Variants in ITPKB observed in about 807,000 individuals in gnomAD.
The protein encoded by ITPKB is inositol-trisphosphate 3-kinase B, also known as IP3 3-kinase B.
In ITPKB, 13 loss-of-function variants were observed where a neutral mutation model predicts 69.4. The ratio of observed to expected loss-of-function variants is 0.19; its 90% CI spans 0.12 to 0.30. ITPKB has a LOEUF of 0.30. Among genes scored for constraint, ITPKB ranks in the 10% least tolerant of loss-of-function variants. The probability of loss-of-function intolerance (pLI) is 1.00; values close to 1 mark genes in which losing one functional copy is unlikely to be tolerated. For synonymous variants in ITPKB, 584 were observed against 513.7 expected (o/e 1.14, Z -1.85); for missense variants, 1,240 against 1,250.5 (o/e 0.99, Z 0.13).
At chr1:226,664,250 G>A (rs1055677546) in intron 2 of ITPKB, among the ~76,000 whole-genome samples, 1 of 152,212 alleles carries the variant, frequency 6.6e-6, no homozygotes, top group Non-Finnish European at 1.5e-5. Flanking sequence ...ATGACTTCTG[G>A]GAGTCCTTCC....
intron 2 of ITPKB, among the ~76,000 whole-genome samples, chr1:226,720,985 T>G (rs1365058195): frequency 6.7e-6 from 1 of 149,954 alleles, no homozygotes; most frequent in Non-Finnish European, 1.5e-5. Context: ...GAGGTTGCAA[T>G]GAGCTGAGAT....
chr1:226,713,143 T>G (rs781541847), intron 2 of ITPKB, among the ~76,000 whole-genome samples: 12 of 152,178 alleles, frequency 7.9e-5, no homozygotes, highest in Non-Finnish European at 1.2e-4. Flanking sequence ...CATGCTCCGC[T>G]AAGACACCAG....
chr1:226,737,594 CCTGGGCAGCGGG>C lies in ITPKB; in HGVS notation c.-148_-137del. On this transcript the variant is annotated 5_prime_UTR_variant, in exon 2 of 8. Transcript: ENST00000429204. ...TCCGCGCGCAGATGGGGCGGCATGG[CCTGGGCAGCGGG>C]CTGGGGGCACGACCGCGGGCTCAGC... 1 of 1,175,724 alleles carries C rather than the reference CCTGGGCAGCGGG, an allele frequency of 8.5e-7. No individual in the cohort carries two copies. Among genetic ancestry groups the C allele is most frequent in the Middle Eastern group, 3.4e-4 (1 of 2,916 alleles). 72.8% of individuals were successfully genotyped at this position (1,175,724 alleles called of 1,614,324 possible). A position where few individuals can be genotyped will look rare whatever the true frequency, so the allele number is the denominator to read the frequency against.
intron 2 of ITPKB, among the ~76,000 whole-genome samples, chr1:226,679,212 T>G (rs1656007902): frequency 6.6e-6 from 1 of 152,250 alleles, no homozygotes; most frequent in African/African-American, 2.4e-5. Flanking sequence ...AAAAAGGAAT[T>G]AAAATGTACC....
At chr1:226,653,393 CGGT>C in intron 2 of ITPKB, among the ~76,000 whole-genome samples, 1 of 152,308 alleles carries the variant, frequency 6.6e-6, no homozygotes, top group South Asian at 2.1e-4. Context: ...TCCTCCAGGG[CGGT>C]TCCCCTGGAC....
At chr1:226,730,305 C>T (rs186789986) in intron 2 of ITPKB, among the ~76,000 whole-genome samples, 2 of 152,294 alleles carry the variant, frequency 1.3e-5, no homozygotes, top group African/African-American at 2.4e-5. Flanking sequence ...GAAGGGCAAC[C>T]ATCTTAGAAC....
At chr1:226,676,584 G>A (rs188822506) in intron 2 of ITPKB, among the ~76,000 whole-genome samples, 4 of 152,338 alleles carry the variant, frequency 2.6e-5, no homozygotes, top group East Asian at 1.9e-4. Context: ...GGTTATTATG[G>A]CAACCAAGTG....
At chr1:226,686,273 C>T (rs1656214636) in intron 2 of ITPKB, among the ~76,000 whole-genome samples, 1 of 152,212 alleles carries the variant, frequency 6.6e-6, no homozygotes, top group African/African-American at 2.4e-5. Flanking sequence ...AGAATGTCTC[C>T]AACTCCCTAG....
At chr1:226,735,461 GCA>G in intron 2 of ITPKB, 64 bp downstream of exon 2, 1 of 1,443,290 alleles carries the variant, frequency 6.9e-7, no homozygotes. Flanking sequence ...AAAAAGGGAT[GCA>G]TAGGGCATCA....
intron 6 of ITPKB, among the ~76,000 whole-genome samples, chr1:226,639,054 C>T (rs1379329150): frequency 8.1e-6 from 1 of 123,802 alleles, no homozygotes. Context: ...GTGCCCTTGA[C>T]TTTTTTTTTT....
chr1:226,713,959 T>A (rs756712602), intron 2 of ITPKB, among the ~76,000 whole-genome samples: 7 of 152,196 alleles, frequency 4.6e-5, no homozygotes, highest in Non-Finnish European at 7.3e-5. Flanking sequence ...CTTACTCAGA[T>A]AATTGATATT....
At chr1:226,699,071 C>T (rs185684572) in intron 2 of ITPKB, among the ~76,000 whole-genome samples, 40 of 152,346 alleles carry the variant, frequency 2.6e-4, no homozygotes, top group African/African-American at 9.4e-4. Context: ...CTCACCCCCA[C>T]TACCTCTCAT....
chr1:226,696,339 G>GTA (rs1490804150), intron 2 of ITPKB, among the ~76,000 whole-genome samples: 3 of 151,754 alleles, frequency 2.0e-5, no homozygotes, highest in Non-Finnish European at 2.9e-5. Context: ...GTGTGTGTGT[G>GTA]TATATGTATC....
At chr1:226,717,743 C>T (rs1414997842) in intron 2 of ITPKB, among the ~76,000 whole-genome samples, 1 of 152,094 alleles carries the variant, frequency 6.6e-6, no homozygotes, top group African/African-American at 2.4e-5. Context: ...CACCACAGCT[C>T]CCACCGGGCT....
rs931690485 is a variant in ITPKB, at chr1:226,641,236, T to G, written c.2451+685A>C. ...GTAAATCAACATTTGAACATAATCA[T>G]GTATAGGAAGCTTCTGTGTGCCCAT... is the stretch of plus-strand genomic sequence containing the variant. On this transcript the variant is annotated intron_variant, in intron 5 of 7. Transcript: ENST00000429204. The surrounding 1 kb of genome is among the most constrained non-coding windows in gnomAD (Gnocchi z 4.6). Among the ~76,000 whole-genome samples the G allele has an allele frequency of 6.6e-6, 1 of 152,208 alleles. No homozygotes were observed. Among genetic ancestry groups the G allele is most frequent in the African/African-American group, 2.4e-5 (1 of 41,458 alleles).
chr1:226,691,024 A>G (rs762322564), intron 2 of ITPKB, among the ~76,000 whole-genome samples: 62 of 152,182 alleles, frequency 4.1e-4, no homozygotes, highest in Non-Finnish European at 7.5e-4. Context: ...GCAAATTCAC[A>G]AAGACAGAAA....
At position 226,737,587 on chromosome 1, in the gene ITPKB, G is replaced by C. The variant is rs956544320; in HGVS notation, c.-129C>G. On this transcript the variant is annotated 5_prime_UTR_variant, in exon 2 of 8. Coordinates refer to ENST00000429204, the MANE Select transcript of ITPKB (RefSeq NM_002221.4). ...CCGCGGCTCCGCGCGCAGATGGGGC[G>C]GCATGGCCTGGGCAGCGGGCTGGGG... 4 of 1,190,276 alleles carry C rather than the reference G, an allele frequency of 3.4e-6. No individual in the cohort carries two copies. In the African/African-American group the frequency reaches 4.8e-5, roughly 14 times the overall value. 73.7% of individuals were successfully genotyped at this position (1,190,276 alleles called of 1,614,324 possible).
chr1:226,701,603 CAAAAAAAAAAAAAAA>C (rs58756019), intron 2 of ITPKB, among the ~76,000 whole-genome samples: 12 of 44,870 alleles, frequency 2.7e-4, no homozygotes, highest in African/African-American at 8.2e-4. Flanking sequence ...GACTCCGTCT[CAAAAAAAAAAAAAAA>C]AAAAAAAAAA....
chr1:226,689,608 TGTGTGC>T (rs139441159), intron 2 of ITPKB, among the ~76,000 whole-genome samples: 4 of 149,532 alleles, frequency 2.7e-5, no homozygotes, highest in Non-Finnish European at 5.9e-5. Context: ...TGTGTGTGTG[TGTGTGC>T]ATGCATATGT....
Sources: gnomAD v4.1 joint callset for allele counts (sites outside exome capture counted in the v4.1 genomes callset) on GRCh38, gnomAD v4.1.1 for gene constraint, Gnocchi (gnomAD v3.1) non-coding constraint, MANE v1.5 for transcripts, NCBI Gene and HGNC (gene_info 2026-07-23, HGNC 2026-07-21) for gene names.